ACSS3: variants seen among roughly 807,000 people sequenced by gnomAD.
ACSS3 encodes acyl-CoA synthetase short-chain family member 3, mitochondrial.
ACSS3 carries 64 observed loss-of-function variants against 84.2 expected under a neutral mutation model. The ratio of observed to expected loss-of-function variants is 0.76; its 90% CI spans 0.62 to 0.94. The LOEUF (loss-of-function observed/expected upper bound fraction) is 0.94. ACSS3 is among the 40% of genes least tolerant of loss of function. The probability of loss-of-function intolerance (pLI) is 0.00; values close to 1 mark genes in which losing one functional copy is unlikely to be tolerated. For missense variants in ACSS3, 815 were observed against 867.6 expected (o/e 0.94, Z 0.76); for synonymous variants, 317 against 310.1 (o/e 1.02, Z -0.23).
At chr12:81,154,943 G>C (rs1242186691) in intron 7 of ACSS3, among the ~76,000 whole-genome samples, 3 of 152,082 alleles carry the variant, frequency 2.0e-5, no homozygotes, top group African/African-American at 7.2e-5. Flanking sequence ...CTGCTTAGAT[G>C]TTATAATTTC....
intron 8 of ACSS3, among the ~76,000 whole-genome samples, chr12:81,181,195 C>G (rs1030369995): frequency 6.6e-6 from 1 of 152,014 alleles, no homozygotes; most frequent in African/African-American, 2.4e-5. Flanking sequence ...TCTCTAAAGC[C>G]CTTATCATAA....
At chr12:81,191,935 A>G (rs1170398951) in intron 8 of ACSS3, among the ~76,000 whole-genome samples, 1 of 152,186 alleles carries the variant, frequency 6.6e-6, no homozygotes, top group African/African-American at 2.4e-5. Flanking sequence ...CTCTGCTAAT[A>G]TTCTACGTAT....
rs1359119977 is a variant in ACSS3 at position 81,237,637 on chromosome 12, GA to G, written c.1719+4168del. On this transcript the variant is annotated intron_variant, in intron 13 of 15. Transcript: ENST00000548058. ...CTGTTCTTGTGGCTATTTATTTTAG[GA>G]AGTGGTCAGCCCAGTTAGGATCAGA... 1.1e-4 allele frequency among the ~76,000 whole-genome samples: 17 copies of G among 151,450 alleles called. No homozygotes were observed. The Admixed American group carries it at 1.1e-3, about 10-fold the overall frequency.
chr12:81,176,899 T>C (rs1198203198), intron 8 of ACSS3, among the ~76,000 whole-genome samples: 1 of 152,078 alleles, frequency 6.6e-6, no homozygotes, highest in African/African-American at 2.4e-5. Flanking sequence ...CTAATGAACA[T>C]AGATGCAAAA....
intron 11 of ACSS3, among the ~76,000 whole-genome samples, chr12:81,226,338 T>C (rs2135959939): frequency 6.6e-6 from 1 of 151,914 alleles, no homozygotes; most frequent in Non-Finnish European, 1.5e-5. Context: ...TGGAGTTTTT[T>C]CTTTGATATT....
intron 2 of ACSS3, among the ~76,000 whole-genome samples, chr12:81,111,412 AG>A (rs892151140): frequency 3.2e-4 from 48 of 152,190 alleles, no homozygotes; most frequent in Admixed American, 2.6e-4. Context: ...CCTTACATCC[AG>A]GGGAGAGGCC....
At chr12:81,165,598 A>G (rs745322605) in intron 7 of ACSS3, among the ~76,000 whole-genome samples, 11 of 152,018 alleles carry the variant, frequency 7.2e-5, no homozygotes, top group Admixed American at 1.3e-4. Context: ...GTGAACCAAG[A>G]TTGCACCACT....
intron 8 of ACSS3, among the ~76,000 whole-genome samples, chr12:81,192,658 T>G (rs1593180853): frequency 6.6e-6 from 1 of 152,314 alleles, no homozygotes; most frequent in East Asian, 1.9e-4. Flanking sequence ...TTTTTTCCAT[T>G]GTGAATTTTA....
At chr12:81,207,831 T>C (rs930674068) in intron 9 of ACSS3, among the ~76,000 whole-genome samples, 2 of 152,084 alleles carry the variant, frequency 1.3e-5, no homozygotes, top group African/African-American at 2.4e-5. Flanking sequence ...CAGTGTTTCT[T>C]ATCTAGTTAA....
At position 81,078,183 on chromosome 12, in the gene ACSS3, G is replaced by A. The variant is rs781662681; in HGVS notation, c.63G>A (p.Leu21=). The A allele has an allele frequency of 6.5e-7, 1 of 1,544,188 alleles. No homozygotes were observed. The highest frequency in any genetic ancestry group is 1.2e-5 in the South Asian group (1 of 85,542). Residue 21 remains leucine, a synonymous_variant, in exon 1 of 16, where the codon TTG becomes TTA. Coordinates refer to ENST00000548058, the MANE Select transcript of ACSS3 (RefSeq NM_024560.4). ...GCGCCGGGGGGCTCGGAGGGCCCTT[G>A]CCTGGGTCCTCTCCGGCCCGGGGAG... ...VTSAGGLGGP[L]PGSSPARGAG... is the part of the protein sequence containing the mutation.
intron 1 of ACSS3, among the ~76,000 whole-genome samples, chr12:81,082,726 A>G (rs1881064245): frequency 6.6e-6 from 1 of 152,132 alleles, no homozygotes; most frequent in Non-Finnish European, 1.5e-5. Flanking sequence ...CAAAATGTAA[A>G]TTTCCTATTC....
At chr12:81,252,264 T>A (rs191080589) in intron 13 of ACSS3, among the ~76,000 whole-genome samples, 1 of 152,318 alleles carries the variant, frequency 6.6e-6, no homozygotes, top group Admixed American at 6.5e-5. Context: ...TTATCACTTT[T>A]GTATTTAGAC....
chr12:81,219,637 G>A (rs1369580520), intron 10 of ACSS3, among the ~76,000 whole-genome samples: 2 of 151,916 alleles, frequency 1.3e-5, no homozygotes, highest in African/African-American at 2.4e-5. Context: ...TTTTTGTTGC[G>A]TATATTTTTT....
intron 11 of ACSS3, among the ~76,000 whole-genome samples, chr12:81,227,011 A>G (rs1233432169): frequency 2.0e-5 from 3 of 150,892 alleles, no homozygotes; most frequent in African/African-American, 7.3e-5. Flanking sequence ...ACATACACAC[A>G]TATCTATAGA....
chr12:81,185,999 TA>T (rs1156665387), intron 8 of ACSS3, among the ~76,000 whole-genome samples: 1 of 151,690 alleles, frequency 6.6e-6, no homozygotes, highest in African/African-American at 2.4e-5. Context: ...CTTACTGGCA[TA>T]AAAACATAAA....
chr12:81,184,402 T>A (rs1353157112), intron 8 of ACSS3, among the ~76,000 whole-genome samples: 1 of 151,566 alleles, frequency 6.6e-6, no homozygotes, highest in Non-Finnish European at 1.5e-5. Context: ...AATAAACAAC[T>A]AACCAAAAAT....
intron 8 of ACSS3, among the ~76,000 whole-genome samples, chr12:81,195,043 G>A (rs1441076915): frequency 6.6e-6 from 1 of 151,962 alleles, no homozygotes; most frequent in African/African-American, 2.4e-5. Flanking sequence ...ATGGGCATTT[G>A]AACCATCTAG....
At chr12:81,089,102 T>C (rs1881505654) in intron 1 of ACSS3, among the ~76,000 whole-genome samples, 1 of 151,924 alleles carries the variant, frequency 6.6e-6, no homozygotes, top group African/African-American at 2.4e-5. Flanking sequence ...ACATTATTCA[T>C]TGCTTATAGT....
At chr12:81,199,574 A>T in intron 9 of ACSS3, 130 bp downstream of exon 9, 1 of 1,463,390 alleles carries the variant, frequency 6.8e-7, no homozygotes, top group Non-Finnish European at 9.2e-7. Context: ...TTCAGGTTTC[A>T]GTAAAAATAA....
Sources: allele counts gnomAD v4.1 joint callset (sites outside exome capture counted in the v4.1 genomes callset), GRCh38; gene constraint gnomAD v4.1.1; transcripts MANE v1.5; gene names NCBI Gene and HGNC (gene_info 2026-07-23, HGNC 2026-07-21).